Variants in APBB1IP observed in about 807,000 individuals in gnomAD.
The protein encoded by APBB1IP is amyloid beta precursor protein binding family B member 1 interacting protein.
In APBB1IP, 27 loss-of-function variants were observed where a neutral mutation model predicts 64.9. The observed-to-expected ratio is 0.42, with a 90% CI of 0.31 to 0.57. The LOEUF (loss-of-function observed/expected upper bound fraction) is 0.57, where lower values mean the gene tolerates loss of function less well. Among genes scored for constraint, APBB1IP ranks in the 20% least tolerant of loss-of-function variants. The pLI is 0.20. For missense variants in APBB1IP, 812 were observed against 845.5 expected (o/e 0.96, Z 0.49); for synonymous variants, 392 against 331.0 (o/e 1.18, Z -2.00).
At chr10:26,557,684 C>T (rs1836910892) in intron 11 of APBB1IP, among the ~76,000 whole-genome samples, 1 of 152,078 alleles carries the variant, frequency 6.6e-6, no homozygotes, top group African/African-American at 2.4e-5. Context: ...TTTGTGAAAC[C>T]AAAAATTACT....
At chr10:26,530,006 C>T (rs1011451780) in intron 8 of APBB1IP, among the ~76,000 whole-genome samples, 10 of 152,126 alleles carry the variant, frequency 6.6e-5, no homozygotes, top group African/African-American at 2.4e-4. Context: ...AATATCTGGC[C>T]TTCCTAAGCC....
At chr10:26,515,931 G>C (rs1315781101) in intron 8 of APBB1IP, among the ~76,000 whole-genome samples, 1 of 152,166 alleles carries the variant, frequency 6.6e-6, no homozygotes, top group Non-Finnish European at 1.5e-5. Flanking sequence ...AGGAAAGTAT[G>C]CACATTTTTA....
intron 2 of APBB1IP, among the ~76,000 whole-genome samples, chr10:26,471,708 CAG>C (rs1835717826): frequency 1.3e-5 from 2 of 151,724 alleles, no homozygotes; most frequent in African/African-American, 2.4e-5. Context: ...TTTTGTGAGA[CAG>C]AGTCTTGCTC....
At chr10:26,541,752 A>G (rs1362309951) in intron 11 of APBB1IP, 60 bp downstream of exon 11, 1 of 1,302,402 alleles carries the variant, frequency 7.7e-7, no homozygotes. Context: ...TTTTTTTTCA[A>G]GGAAGAAAAT....
chr10:26,511,723 G>C, intron 6 of APBB1IP, 24 bp from the exon 7 acceptor site: 1 of 1,606,668 alleles, frequency 6.2e-7, no homozygotes, highest in Non-Finnish European at 8.5e-7. Context: ...AAATTTACTG[G>C]CTGCCCCATG....
At chr10:26,547,451 G>T (rs981802914) in intron 11 of APBB1IP, among the ~76,000 whole-genome samples, 4 of 151,580 alleles carry the variant, frequency 2.6e-5, no homozygotes, top group African/African-American at 4.8e-5. Context: ...GTTTTGTTTT[G>T]TTTTTTTGAG....
intron 11 of APBB1IP, among the ~76,000 whole-genome samples, chr10:26,556,900 T>G (rs1362636533): frequency 6.6e-6 from 1 of 152,210 alleles, no homozygotes; most frequent in Non-Finnish European, 1.5e-5. Flanking sequence ...AAATGCTGTT[T>G]GTAGGTCAGA....
Position 26,492,263 on chromosome 10 carries a change from C to T in APBB1IP, c.1-64C>T, listed in dbSNP as rs1835964875. The T allele has an allele frequency of 6.9e-6, 10 of 1,451,550 alleles. No individual in the cohort carries two copies. The Middle Eastern group carries it at 5.3e-4, about 77-fold the overall frequency. The allele number at this position is 1,451,550 out of a possible 1,614,324, so 89.9% of individuals were successfully genotyped here. A position where few individuals can be genotyped will look rare whatever the true frequency, so the allele number is the denominator to read the frequency against. ...GGCTCTTGGGGGAAAGAGAGGGATG[C>T]AAAGAGTATCCTAGGATCAGGCTTT... On this transcript the variant is annotated intron_variant, in intron 2 of 14. Coordinates refer to ENST00000376236, the MANE Select transcript of APBB1IP (RefSeq NM_019043.4).
chr10:26,541,758 A>C, intron 11 of APBB1IP, 66 bp downstream of exon 11: 1 of 1,225,262 alleles, frequency 8.2e-7, no homozygotes, highest in South Asian at 1.4e-5. Flanking sequence ...TTCAAGGAAG[A>C]AAATGTTAAA....
At chr10:26,467,533 G>T (rs1361569762) in intron 2 of APBB1IP, among the ~76,000 whole-genome samples, 1 of 152,088 alleles carries the variant, frequency 6.6e-6, no homozygotes, top group African/African-American at 2.4e-5. Context: ...CTTTACAAAA[G>T]ATTTTTAAAA....
At chr10:26,469,190 A>AGCTGT (rs1835684881) in intron 2 of APBB1IP, among the ~76,000 whole-genome samples, 1 of 151,744 alleles carries the variant, frequency 6.6e-6, no homozygotes, top group African/African-American at 2.4e-5. Flanking sequence ...ATAGCTGTAC[A>AGCTGT]AAAATATTTT....
chr10:26,549,459 T>G (rs1199075711), intron 11 of APBB1IP, among the ~76,000 whole-genome samples: 1 of 152,188 alleles, frequency 6.6e-6, no homozygotes, highest in Non-Finnish European at 1.5e-5. Flanking sequence ...TTTTCTTTGA[T>G]AAGAGACTTT....
chr10:26,496,201 A>T, intron 3 of APBB1IP, 103 bp from the exon 4 acceptor site: 1 of 836,314 alleles, frequency 1.2e-6, no homozygotes, highest in Non-Finnish European at 2.0e-6. Flanking sequence ...ACACTAAGGG[A>T]GAAAATGTGT....
chr10:26,566,561 T>TA (rs1381202597), intron 14 of APBB1IP, among the ~76,000 whole-genome samples: 1 of 152,102 alleles, frequency 6.6e-6, no homozygotes, highest in Non-Finnish European at 1.5e-5. Flanking sequence ...GCCAAAATAT[T>TA]AAAAAATTAG....
chr10:26,538,271 A>C (rs1279417195), intron 10 of APBB1IP, among the ~76,000 whole-genome samples: 1 of 152,254 alleles, frequency 6.6e-6, no homozygotes, highest in Non-Finnish European at 1.5e-5. Context: ...AAACTCAGCA[A>C]GAAATGTTCC....
At chr10:26,566,939 T>C (rs1381933239) in intron 14 of APBB1IP, 22 bp from the exon 15 acceptor site, 1 of 1,548,152 alleles carries the variant, frequency 6.5e-7, no homozygotes, top group Non-Finnish European at 8.6e-7. Flanking sequence ...AAAAAATGAA[T>C]GCTACTGCCA....
chr10:26,485,468 A>G (rs771030786), intron 2 of APBB1IP, among the ~76,000 whole-genome samples: 23 of 152,216 alleles, frequency 1.5e-4, no homozygotes, highest in Non-Finnish European at 2.8e-4. Context: ...CCAACGACGC[A>G]TTTCTGAACA....
intron 8 of APBB1IP, among the ~76,000 whole-genome samples, chr10:26,517,850 T>C (rs1013675538): frequency 2.0e-5 from 3 of 152,262 alleles, no homozygotes; most frequent in African/African-American, 7.2e-5. Flanking sequence ...AGCATTCTTA[T>C]ACAGTACATG....
chr10:26,560,887 G>A (rs1270042871), intron 13 of APBB1IP, 43 bp downstream of exon 13: 23 of 1,467,472 alleles, frequency 1.6e-5, no homozygotes, highest in Non-Finnish European at 2.1e-5. Context: ...TCAAAGCTTG[G>A]TGCTCCAGTT....
Sources: gnomAD v4.1 joint callset for allele counts (sites outside exome capture counted in the v4.1 genomes callset) on GRCh38, gnomAD v4.1.1 for gene constraint, MANE v1.5 for transcripts, NCBI Gene and HGNC (gene_info 2026-07-23, HGNC 2026-07-21) for gene names.